The following FLYWCH1 variants were observed in gnomAD, a reference collection of about 807,000 sequenced individuals.
FLYWCH1 encodes FLYWCH-type zinc finger 1.
FLYWCH1 carries 75 observed loss-of-function variants against 66.4 expected under a neutral mutation model. The ratio of observed to expected loss-of-function variants is 1.13; its 90% CI spans 0.94 to 1.37. FLYWCH1 has a LOEUF of 1.37. Among genes scored for constraint, FLYWCH1 ranks in the 40% most tolerant of loss-of-function variants. The pLI is 0.00. For missense variants in FLYWCH1, 1,334 were observed against 1,001.8 expected, an observed-to-expected ratio of 1.33 and a Z score of -4.48; for synonymous variants, 595 against 429.9, an observed-to-expected ratio of 1.38 and a Z score of -4.75.
chr16:2,933,576 G>T lies in FLYWCH1; in HGVS notation c.1243G>T (p.Asp415Tyr), dbSNP rs368539567. Reference protein sequence around the residue: ...APDEHQDMDADPGGPEFLKTP... With the variant: ...APDEHQDMDAYPGGPEFLKTP... ...AGACGAGCACCAGGACATGGACGCA[G>T]ACCCGGGTGAGCTGCCTTCCTTTGG... Residue 415 changes from aspartate to tyrosine, a missense_variant, in exon 5 of 10, where the codon GAC (aspartate) becomes TAC (tyrosine). Asp to Tyr is a radical substitution (Grantham distance 160). Coordinates refer to ENST00000253928, the MANE Select transcript of FLYWCH1 (RefSeq NM_001308068.2). The T allele has an allele frequency of 1.9e-6, 3 of 1,587,456 alleles. No homozygotes were observed. Among genetic ancestry groups the T allele is most frequent in the African/African-American group, 2.7e-5 (2 of 74,088 alleles).
intron 2 of FLYWCH1, among the ~76,000 whole-genome samples, chr16:2,917,227 A>C (rs980358735): frequency 2.2e-5 from 2 of 90,320 alleles, no homozygotes; most frequent in African/African-American, 9.1e-5. Flanking sequence ...AAGCTTGTTA[A>C]TAATTTTTTT....
At chr16:2,937,547 AG>A (rs2071066705) in intron 7 of FLYWCH1, among the ~76,000 whole-genome samples, 163 bp downstream of exon 7, 1 of 152,102 alleles carries the variant, frequency 6.6e-6, no homozygotes, top group Admixed American at 6.5e-5. Context: ...GCGGGCTCCG[AG>A]CTCCTGCAGC....
In FLYWCH1 at chr16:2,927,905, A is replaced by G. The variant is rs143034489; in HGVS notation, c.-73-1708A>G. Among the ~76,000 whole-genome samples, 27 of 152,382 alleles carry G rather than the reference A, an allele frequency of 1.8e-4. 2 individuals carry two copies. The highest frequency in any genetic ancestry group is 5.5e-4 in the African/African-American group (23 of 41,594). ...CTGGCGCTGGTCTCTGAGTTCCCTCAGTATTTATTGATGACTATTTTTACT... is the reference window on the plus strand; with the variant it reads ...CTGGCGCTGGTCTCTGAGTTCCCTCGGTATTTATTGATGACTATTTTTACT... On this transcript the variant is annotated intron_variant, in intron 2 of 9. Coordinates refer to ENST00000253928, the MANE Select transcript of FLYWCH1 (RefSeq NM_001308068.2).
chr16:2,937,182 C>G lies in FLYWCH1; in HGVS notation c.1575C>G (p.Leu525=), dbSNP rs553435495. 4.7e-5 allele frequency: 66 copies of G among 1,395,378 alleles called. No individual in the cohort carries two copies. The East Asian group carries it at 2.1e-3, about 45-fold the overall frequency. 86.4% of individuals were successfully genotyped at this position (1,395,378 alleles called of 1,614,324 possible). A position where few individuals can be genotyped will look rare whatever the true frequency, so the allele number is the denominator to read the frequency against. The change falls in exon 7 of 10, where the codon CTC becomes CTG. Residue 525 remains leucine, a synonymous_variant. Transcript: ENST00000253928. ...GCTTCCTGGTGTACGAGTCCTTCCT[C>G]TACCGGCGGGAGAAGGCGGCCGGGG... is the stretch of plus-strand genomic sequence containing the variant. ...GGSFLVYESF[L]YRREKAAGEK...
intron 9 of FLYWCH1, chr16:2,943,287 G>C (rs6500733): frequency 0.26 from 39,269 of 151,704 alleles, 6,275 homozygotes; most frequent in East Asian, 0.43. Context: ...CACATTCTGC[G>C]GGAGGGGACC....
Position 2,949,450 on chromosome 16 carries a change from C to A in FLYWCH1, c.*723C>A, listed in dbSNP as rs530371864. On this transcript the variant is annotated 3_prime_UTR_variant, in exon 10 of 10. Coordinates refer to ENST00000253928, the MANE Select transcript of FLYWCH1 (RefSeq NM_001308068.2). Reference sequence around the variant, plus strand: ...TCAGCAGGAGCCAGCGCTGGGCACACGTGCCCTGGCTGAGGCCAGCGGCAT... The same window carrying A: ...TCAGCAGGAGCCAGCGCTGGGCACAAGTGCCCTGGCTGAGGCCAGCGGCAT... 9.2e-5 allele frequency: 14 copies of A among 152,446 alleles called. No individual in the cohort carries two copies. The highest frequency in any genetic ancestry group is 7.8e-4 in the Admixed American group (12 of 15,308). The allele number at this position is 152,446 out of a possible 1,614,324, so 9.4% of individuals were successfully genotyped here. A position where few individuals can be genotyped will look rare whatever the true frequency, so the allele number is the denominator to read the frequency against.
chr16:2,931,354 G>T (rs1307155602), intron 4 of FLYWCH1, among the ~76,000 whole-genome samples: 1 of 150,506 alleles, frequency 6.6e-6, no homozygotes. Flanking sequence ...GCTGGGCACA[G>T]TGTTCATGCC....
intron 3 of FLYWCH1, 50 bp downstream of exon 3, chr16:2,930,060 C>G (rs756055415): frequency 1.3e-6 from 2 of 1,505,842 alleles, no homozygotes; most frequent in Non-Finnish European, 9.1e-7. Flanking sequence ...GGTTCCAGCG[C>G]TCCCAGCAGG....
Position 2,933,902 on chromosome 16 carries a change from A to C in FLYWCH1, c.1436A>C (p.His479Pro), listed in dbSNP as rs754321432. 1.3e-6 allele frequency: 2 copies of C among 1,579,588 alleles called. No homozygotes were observed. Among genetic ancestry groups the C allele is most frequent in the African/African-American group, 2.7e-5 (2 of 74,102 alleles). Residue 479 changes from histidine to proline, a missense_variant, in exon 6 of 10, where the codon CAC (histidine) becomes CCC (proline). Coordinates refer to ENST00000253928, the MANE Select transcript of FLYWCH1 (RefSeq NM_001308068.2). ...RRVTVMRGHC[H>P]PPDLGGLEAL... Reference sequence around the variant, plus strand: ...GTGACTGTCATGCGTGGTCACTGCCACCCGCCCGACCTGGGAGGCCTGGAG... The same window carrying C: ...GTGACTGTCATGCGTGGTCACTGCCCCCCGCCCGACCTGGGAGGCCTGGAG...
intron 6 of FLYWCH1, chr16:2,934,683 G>A (rs1445869477): frequency 2.2e-6 from 1 of 456,228 alleles, no homozygotes; most frequent in Non-Finnish European, 4.4e-6. Flanking sequence ...TTGCCTCATG[G>A]CCCTAAAGTT....
chr16:2,933,339 GA>G lies in FLYWCH1; in HGVS notation c.1007del (p.Glu336GlyfsTer46). ...MRGHCHQPDM[E>X]GLEARRQQEK... is the part of the protein sequence containing the mutation. The stretch of plus-strand genomic sequence containing the variant: ...TGGGCACTGCCACCAGCCCGATATG[GA>G]GGGCCTGGAAGCCCGGCGGCAGCAG... On this transcript the variant is annotated frameshift_variant, in exon 5 of 10. Transcript: ENST00000253928. LOFTEE classifies it high-confidence loss of function. The G allele has an allele frequency of 6.2e-7, 1 of 1,608,364 alleles. No homozygotes were observed. The highest frequency in any genetic ancestry group is 1.7e-5 in the Admixed American group (1 of 59,094).
intron 4 of FLYWCH1, among the ~76,000 whole-genome samples, chr16:2,932,270 C>CA (rs71158125): frequency 0.022 from 1,197 of 55,244 alleles, 81 homozygotes; most frequent in African/African-American, 0.071. Flanking sequence ...GACCCTGTCT[C>CA]AAAAAAAAAA....
rs561795642 is a variant in FLYWCH1 at position 2,919,484 on chromosome 16, T to G, written c.-74+5195T>G. 1.3e-4 allele frequency among the ~76,000 whole-genome samples: 20 copies of G among 152,190 alleles called. No homozygotes were observed. The South Asian group carries it at 4.1e-3, about 32-fold the overall frequency. On this transcript the variant is annotated intron_variant, in intron 2 of 9. Coordinates refer to ENST00000253928, the MANE Select transcript of FLYWCH1 (RefSeq NM_001308068.2). Reference sequence around the variant, plus strand: ...TTTCACCATGTTTGCCAGGATGGTTTCGATCTCTTGACCTCGTGATCCGCC... The same window carrying G: ...TTTCACCATGTTTGCCAGGATGGTTGCGATCTCTTGACCTCGTGATCCGCC...
At chr16:2,920,412 G>A (rs1373283991) in intron 2 of FLYWCH1, among the ~76,000 whole-genome samples, 1 of 151,870 alleles carries the variant, frequency 6.6e-6, no homozygotes, top group Non-Finnish European at 1.5e-5. Context: ...CTACTCAGGA[G>A]GCTGAGGCCT....
intron 8 of FLYWCH1, among the ~76,000 whole-genome samples, 164 bp downstream of exon 8, chr16:2,938,620 T>TG (rs1002252596): frequency 6.7e-6 from 1 of 149,940 alleles, no homozygotes; most frequent in Non-Finnish European, 1.5e-5. Flanking sequence ...TTTTTTTTTT[T>TG]TTTTTTTTTT....
chr16:2,942,984 G>A (rs981623953), intron 9 of FLYWCH1, among the ~76,000 whole-genome samples: 5 of 151,762 alleles, frequency 3.3e-5, no homozygotes, highest in Non-Finnish European at 5.9e-5. Flanking sequence ...TTACAGGCAT[G>A]AGCCACCACG....
At chr16:2,946,377 A>C (rs1367936597) in intron 9 of FLYWCH1, among the ~76,000 whole-genome samples, 1 of 132,434 alleles carries the variant, frequency 7.6e-6, no homozygotes, top group Non-Finnish European at 1.5e-5. Flanking sequence ...GCTGGACTGC[A>C]GTGGTGAGAT....
At chr16:2,933,007 A>C (rs1036627611) in intron 4 of FLYWCH1, 123 bp from the exon 5 acceptor site, 1 of 852,956 alleles carries the variant, frequency 1.2e-6, no homozygotes. Context: ...TGGCTCAGGA[A>C]GCCAGGGTAA....
At chr16:2,916,962 G>T (rs1401606545) in intron 2 of FLYWCH1, among the ~76,000 whole-genome samples, 1 of 146,192 alleles carries the variant, frequency 6.8e-6, no homozygotes, top group Admixed American at 7.0e-5. Flanking sequence ...GGACAACATG[G>T]TGAAACCCCA....
Sources: gnomAD v4.1 joint callset for allele counts (sites outside exome capture counted in the v4.1 genomes callset) on GRCh38, gnomAD v4.1.1 for gene constraint, MANE v1.5 for transcripts, NCBI Gene and HGNC (gene_info 2026-07-23, HGNC 2026-07-21) for gene names.